The following TEX11 variants were observed in gnomAD, a reference collection of about 807,000 sequenced individuals.
TEX11 encodes the protein testis expressed 11.
Under a neutral mutation model 84.4 loss-of-function variants are expected in TEX11, and 7 were observed. The ratio of observed to expected loss-of-function variants is 0.08; its 90% CI spans 0.05 to 0.16. The LOEUF (loss-of-function observed/expected upper bound fraction) is 0.16. Among genes scored for constraint, TEX11 ranks in the 10% least tolerant of loss-of-function variants. The probability of loss-of-function intolerance (pLI) is 1.00; values close to 1 mark genes in which losing one functional copy is unlikely to be tolerated. For synonymous variants in TEX11, 264 were observed against 222.8 expected (o/e 1.18, Z -1.64); for missense variants, 551 against 660.5 (o/e 0.83, Z 1.82).
chrX:70,519,427 G>A, the TEX11 span, among the ~76,000 whole-genome samples: 172 of 112,250 alleles, frequency 1.5e-3, no homozygotes, highest in African/African-American at 5.3e-3. Flanking sequence ...CTTCAAGAAT[G>A]TTGAATATTG....
intron 8 of TEX11, among the ~76,000 whole-genome samples, chrX:70,829,689 T>A (rs2091366738): frequency 9.2e-6 from 1 of 108,394 alleles, no homozygotes; most frequent in African/African-American, 3.4e-5. Flanking sequence ...GGGAACAAAG[T>A]TAAAGTGTAG....
chrX:70,525,506 G>T (rs1231017052), downstream of TEX11, among the ~76,000 whole-genome samples: 1 of 109,304 alleles, frequency 9.1e-6, no homozygotes, highest in East Asian at 2.9e-4. Flanking sequence ...AGGATCATTT[G>T]AGCCCAGGAG....
chrX:70,554,579 G>T, intron 26 of TEX11, 72 bp downstream of exon 26: 1 of 1,031,557 alleles, frequency 9.7e-7, no homozygotes. Context: ...AGAAAGAAGA[G>T]TAAAGAGAAG....
In TEX11 at chrX:70,552,182, G is replaced by A. The variant is rs2088223979; in HGVS notation, c.2464C>T (p.Pro822Ser). The change falls in exon 28 of 30, where the codon CCC becomes TCC. Residue 822 changes from proline (P) to serine (S), a missense_variant. Physicochemically the swap from Pro to Ser is moderately conservative, Grantham distance 74 (BLOSUM62 -1). Coordinates refer to ENST00000374333, the MANE Select transcript of TEX11 (RefSeq NM_031276.3). The stretch of plus-strand genomic sequence containing the variant: ...AAATAGCCCCAAACTTCTTCCAGGG[G>A]ACAGAGCTCTACATTCGACGCCCCA... ...PDGASNVELC[P>S]LEEVWGYFED... 1.7e-6 allele frequency: 2 copies of A among 1,209,529 alleles called. No homozygotes were observed. Among genetic ancestry groups the A allele is most frequent in the African/African-American group, 3.5e-5 (2 of 57,213 alleles).
chrX:70,670,162 G>C (rs1196579959), intron 16 of TEX11, among the ~76,000 whole-genome samples: 2 of 112,033 alleles, frequency 1.8e-5, no homozygotes, highest in East Asian at 5.6e-4. Flanking sequence ...GTAAGTAATA[G>C]AATTAATGGT....
In TEX11 at chrX:70,861,575, C is replaced by T. The variant is rs763713890; in HGVS notation, c.245-639G>A. Among the ~76,000 whole-genome samples, 21 of 109,502 alleles carry T rather than the reference C, an allele frequency of 1.9e-4. No homozygotes were observed. The South Asian group carries it at 6.8e-3, about 35-fold the overall frequency. ...TCCACCTCCCAGGTTCCAGTGATTC[C>T]CCTGCCTCAGCCTCCCGAGTAGCTG... On this transcript the variant is annotated intron_variant, in intron 4 of 29. Transcript: ENST00000374333.
intron 4 of TEX11, 89 bp downstream of exon 4, chrX:70,873,134 G>T: frequency 1.9e-6 from 1 of 537,964 alleles, no homozygotes; most frequent in East Asian, 3.7e-5. Flanking sequence ...ATCTAAGAAT[G>T]GGTCAAAACA....
At chrX:70,758,534 A>G (rs2147766612) in intron 9 of TEX11, among the ~76,000 whole-genome samples, 1 of 112,254 alleles carries the variant, frequency 8.9e-6, no homozygotes, top group South Asian at 3.7e-4. Flanking sequence ...GTAAATAACA[A>G]AATGAAGGCA....
chrX:70,887,246 T>A (rs1383724776), intron 2 of TEX11, among the ~76,000 whole-genome samples: 1 of 111,444 alleles, frequency 9.0e-6, no homozygotes, highest in East Asian at 2.9e-4. Flanking sequence ...TTGGCCACAG[T>A]AGGGAAAAAC....
intron 27 of TEX11, among the ~76,000 whole-genome samples, chrX:70,552,789 A>C (rs1304979762): frequency 8.9e-6 from 1 of 111,973 alleles, no homozygotes; most frequent in Non-Finnish European, 1.9e-5. Flanking sequence ...TGAGGCAAAC[A>C]TAGCAAGATG....
intron 2 of TEX11, among the ~76,000 whole-genome samples, chrX:70,898,827 G>A (rs2091787653): frequency 2.7e-5 from 3 of 110,759 alleles, no homozygotes; most frequent in African/African-American, 9.8e-5. Flanking sequence ...GGATGGTCTC[G>A]ATCTCCTGAC....
chrX:70,624,702 C>A, intron 19 of TEX11, 137 bp downstream of exon 19: 1 of 427,795 alleles, frequency 2.3e-6, no homozygotes, highest in Non-Finnish European at 3.9e-6. Flanking sequence ...TTTATCAAGT[C>A]CCAACCTCAC....
chrX:70,855,211 A>G (rs1255651818), intron 5 of TEX11, among the ~76,000 whole-genome samples: 1 of 110,990 alleles, frequency 9.0e-6, no homozygotes, highest in Non-Finnish European at 1.9e-5. Context: ...ATAATATGAG[A>G]TAAATCCTCA....
At chrX:70,546,162 G>C in intron 28 of TEX11, among the ~76,000 whole-genome samples, 1 of 112,064 alleles carries the variant, frequency 8.9e-6, no homozygotes, top group Non-Finnish European at 1.9e-5. Flanking sequence ...GAAAACTGAA[G>C]TCAAACAGCA....
At chrX:70,871,067 C>T (rs1351329068) in intron 4 of TEX11, among the ~76,000 whole-genome samples, 1 of 112,043 alleles carries the variant, frequency 8.9e-6, no homozygotes. Flanking sequence ...CACACACCAC[C>T]ATGCCCGACT....
intron 13 of TEX11, among the ~76,000 whole-genome samples, chrX:70,716,634 T>C (rs1472763721): frequency 8.9e-6 from 1 of 112,537 alleles, no homozygotes; most frequent in Non-Finnish European, 1.9e-5. Flanking sequence ...CTAATACCAT[T>C]GGAAAAGCGC....
chrX:70,705,523 A>G (rs1305649707), intron 13 of TEX11, among the ~76,000 whole-genome samples: 3 of 111,812 alleles, frequency 2.7e-5, no homozygotes, highest in African/African-American at 9.7e-5. Flanking sequence ...TGAACAGGCA[A>G]CCTACAGAAT....
chrX:70,758,478 C>T (rs1489839178), intron 9 of TEX11, among the ~76,000 whole-genome samples: 1 of 112,042 alleles, frequency 8.9e-6, no homozygotes, highest in East Asian at 2.8e-4. Flanking sequence ...ACTCAAAACA[C>T]ACAACTACAT....
intron 9 of TEX11, among the ~76,000 whole-genome samples, chrX:70,750,933 A>AAAATATATATATATAT (rs1390175136): frequency 1.2e-3 from 33 of 28,144 alleles, no homozygotes; most frequent in South Asian, 2.5e-3. Flanking sequence ...AAAAAAAAAA[A>AAAATATATATATATAT]ATATATATAT....
Sources: allele counts gnomAD v4.1 joint callset (sites outside exome capture counted in the v4.1 genomes callset), GRCh38; gene constraint gnomAD v4.1.1; transcripts MANE v1.5; gene names NCBI Gene and HGNC (gene_info 2026-07-23, HGNC 2026-07-21).